The following ATP23 variants were observed in gnomAD, a reference collection of about 807,000 sequenced individuals.
ATP23 encodes the protein ATP23 metallopeptidase and ATP synthase assembly factor homolog, also known as mitochondrial inner membrane protease ATP23 homolog.
ATP23 carries 24 observed loss-of-function variants against 28.5 expected under a neutral mutation model. The ratio of observed to expected loss-of-function variants is 0.84; its 90% confidence interval spans 0.61 to 1.18. The LOEUF is 1.18. Among genes scored for constraint, ATP23 ranks in the 50% most tolerant of loss-of-function variants. The probability of loss-of-function intolerance (pLI) is 0.00; values close to 1 mark genes in which losing one functional copy is unlikely to be tolerated. For missense variants in ATP23, 274 were observed against 306.4 expected, an observed-to-expected ratio of 0.89 and a Z score of 0.79; for synonymous variants, 99 against 108.6, an observed-to-expected ratio of 0.91 and a Z score of 0.55.
Position 57,942,672 on chromosome 12 carries a change from C to T in ATP23, c.187+784C>T, listed in dbSNP as rs149946805. ...TCTCCTGACCTCGTGATCTGCCTGC[C>T]TCGGCCTCCCAAAGTGCTGGGATTA... On this transcript the variant is annotated intron_variant, in intron 1 of 5. Transcript: ENST00000300145. Among the ~76,000 whole-genome samples the T allele has an allele frequency of 5.3e-3, 806 of 152,222 alleles. 8 individuals carry two copies. Among genetic ancestry groups the T allele is most frequent in the African/African-American group, 0.019 (776 of 41,534 alleles).
chr12:57,941,739 C>G lies in ATP23; in HGVS notation c.38C>G (p.Ala13Gly). The G allele has an allele frequency of 3.1e-6, 5 of 1,596,408 alleles. No individual in the cohort carries two copies. Among genetic ancestry groups the G allele is most frequent in the Non-Finnish European group, 4.3e-6 (5 of 1,172,604 alleles). Reference sequence around the variant, plus strand: ...CCGGACGAGCGCCGGCGGGGCCCCGCGGCAGGGGAGCAGCTGCAGCAGCAA... The same window carrying G: ...CCGGACGAGCGCCGGCGGGGCCCCGGGGCAGGGGAGCAGCTGCAGCAGCAA... The part of the protein sequence containing the change: ...GAPDERRRGP[A>G]AGEQLQQQHV... Residue 13 changes from alanine (A) to glycine (G), a missense_variant, in exon 1 of 6, where the codon GCG becomes GGG. Physicochemically the swap from Ala to Gly is moderately conservative, Grantham distance 60. Coordinates refer to ENST00000300145, the MANE Select transcript of ATP23 (RefSeq NM_033276.4).
At chr12:57,945,497 G>A in intron 1 of ATP23, 131 bp from the exon 2 acceptor site, 2 of 728,100 alleles carry the variant, frequency 2.7e-6, no homozygotes, top group Non-Finnish European at 4.7e-6. Context: ...CTCCTAAAGT[G>A]CTGGGATTAC....
Position 57,956,878 on chromosome 12 carries a change from T to C in ATP23, c.729T>C (p.Tyr243=). ...ACTTTGAAAACCGTGATCGGTATTA[T>C]TCAAATATATGAGCACAATGACATT... The part of the protein sequence containing the change: ...HRDFENRDRY[Y]SNI Residue 243 remains tyrosine (Y), a synonymous_variant, in exon 6 of 6, where the codon TAT becomes TAC. Transcript: ENST00000300145. The C allele has an allele frequency of 6.2e-7, 1 of 1,607,786 alleles. No homozygotes were observed. Among genetic ancestry groups the C allele is most frequent in the Non-Finnish European group, 8.5e-7 (1 of 1,178,182 alleles).
In ATP23 at chr12:57,941,789, G is replaced by A; in HGVS notation, c.88G>A (p.Glu30Lys). 1.2e-6 allele frequency: 2 copies of A among 1,608,504 alleles called. No homozygotes were observed. The highest frequency in any genetic ancestry group is 1.7e-6 in the Non-Finnish European group (2 of 1,177,794). Residue 30 changes from glutamate (E) to lysine (K), a missense_variant, in exon 1 of 6, where the codon GAG (glutamate) becomes AAG (lysine). By Grantham distance (56) the Glu-to-Lys change is moderately conservative (BLOSUM62 1). Coordinates refer to ENST00000300145, the MANE Select transcript of ATP23 (RefSeq NM_033276.4). Reference protein sequence around the residue: ...QQHVSCQVFPERLAQGNPQQG... With the variant: ...QQHVSCQVFPKRLAQGNPQQG... ...ACACGTCTCTTGCCAGGTCTTCCCC[G>A]AGCGTCTGGCCCAGGGGAATCCCCA... is the stretch of plus-strand genomic sequence containing the variant.
chr12:57,953,530 T>G, intron 4 of ATP23, 76 bp from the exon 5 acceptor site: 1 of 1,218,338 alleles, frequency 8.2e-7, no homozygotes, highest in Non-Finnish European at 1.2e-6. Context: ...TTTCTAATTT[T>G]TAAAAATTGG....
rs1197888362 is a variant in ATP23 at position 57,958,990 on chromosome 12, A to G, written c.*2100A>G. Among the ~76,000 whole-genome samples the G allele has an allele frequency of 1.3e-5, 2 of 152,188 alleles. No individual in the cohort carries two copies. Among genetic ancestry groups the G allele is most frequent in the African/African-American group, 4.8e-5 (2 of 41,456 alleles). ...CCAGTGCAAGGAAATCCAAAAAATG[A>G]TATAAGAAGTGAAGGGAGAAATATT... is the stretch of plus-strand genomic sequence containing the variant. On this transcript the variant is annotated 3_prime_UTR_variant, in exon 6 of 6. Coordinates refer to ENST00000300145, the MANE Select transcript of ATP23 (RefSeq NM_033276.4).
intron 5 of ATP23, among the ~76,000 whole-genome samples, chr12:57,954,956 C>T (rs1247113041): frequency 6.6e-6 from 1 of 151,912 alleles, no homozygotes; most frequent in Non-Finnish European, 1.5e-5. Context: ...GCCAGGTCAG[C>T]TTAGTGATAT....
chr12:57,950,232 GGGTAAAGACAA>G (rs1956801266), intron 3 of ATP23, among the ~76,000 whole-genome samples: 1 of 152,116 alleles, frequency 6.6e-6, no homozygotes, highest in African/African-American at 2.4e-5. Flanking sequence ...ATTGCTCTTA[GGGTAAAGACAA>G]GGTCTTCAGG....
chr12:57,958,238 A>G lies in ATP23; in HGVS notation c.*1348A>G, dbSNP rs1396545493. ...CAACAGTCACAGCAAGACCTGCCCA[A>G]GGAGAGTCTGAGCTCAGACATGTCT... On this transcript the variant is annotated 3_prime_UTR_variant, in exon 6 of 6. Coordinates refer to ENST00000300145, the MANE Select transcript of ATP23 (RefSeq NM_033276.4). Among the ~76,000 whole-genome samples, 1 of 152,140 alleles carries G rather than the reference A, an allele frequency of 6.6e-6. No individual in the cohort carries two copies. Among genetic ancestry groups the G allele is most frequent in the Non-Finnish European group, 1.5e-5 (1 of 68,018 alleles).
Position 57,956,715 on chromosome 12 carries a change from C to T in ATP23, c.566C>T (p.Ser189Phe), listed in dbSNP as rs1348393038. 4.3e-6 allele frequency: 7 copies of T among 1,613,658 alleles called. No individual in the cohort carries two copies. The highest frequency in any genetic ancestry group is 1.7e-5 in the Admixed American group (1 of 59,962). ...QTCVRDRATL[S>F]ILAVRNISKE... ...TGTGTGCGAGACAGAGCCACTCTTT[C>T]TATCCTGGCTGTTAGGAATATCAGC... Residue 189 changes from serine (S) to phenylalanine (F), a missense_variant, in exon 6 of 6, where the codon TCT becomes TTT. Physicochemically the swap from Ser to Phe is radical, Grantham distance 155. Transcript: ENST00000300145.
chr12:57,956,612 C>T, intron 5 of ATP23, 75 bp from the exon 6 acceptor site: 2 of 1,078,976 alleles, frequency 1.9e-6, no homozygotes, highest in Non-Finnish European at 2.6e-6. Context: ...TTAATTCAGA[C>T]ATTAGATAAA....
Position 57,956,985 on chromosome 12 carries a change from C to T in ATP23, c.*95C>T. On this transcript the variant is annotated 3_prime_UTR_variant, in exon 6 of 6. Transcript: ENST00000300145. ...ACAAACATATAAAATGTAAACAATC[C>T]CTACAATCCAGATAAAACAGAGAAG... is the stretch of plus-strand genomic sequence containing the variant. The T allele has an allele frequency of 9.9e-7, 1 of 1,006,656 alleles. No individual in the cohort carries two copies. 62.4% of individuals were successfully genotyped at this position (1,006,656 alleles called of 1,614,324 possible).
At position 57,958,541 on chromosome 12, in the gene ATP23, A is replaced by AGACG. The variant is rs923318037; in HGVS notation, c.*1653_*1656dup. Among the ~76,000 whole-genome samples, 16 of 152,206 alleles carry AGACG rather than the reference A, an allele frequency of 1.1e-4. No individual in the cohort carries two copies. The highest frequency in any genetic ancestry group is 3.9e-4 in the African/African-American group (16 of 41,440). On this transcript the variant is annotated 3_prime_UTR_variant, in exon 6 of 6. Transcript: ENST00000300145. ...TGGTATCCACAGCCGAGAGACCCATAGACGGTTCACATCACAGGATTCTGT... is the reference window on the plus strand; with the variant it reads ...TGGTATCCACAGCCGAGAGACCCATAGACGGACGGTTCACATCACAGGATTCTGT...
At chr12:57,946,679 C>A (rs1956764664) in intron 2 of ATP23, among the ~76,000 whole-genome samples, 1 of 151,890 alleles carries the variant, frequency 6.6e-6, no homozygotes, top group Non-Finnish European at 1.5e-5. Context: ...TGGTCTTGAA[C>A]TCCCGACCTC....
intron 5 of ATP23, among the ~76,000 whole-genome samples, chr12:57,954,067 C>T (rs975887743): frequency 2.6e-5 from 4 of 151,844 alleles, no homozygotes; most frequent in Non-Finnish European, 5.9e-5. Flanking sequence ...TAGTGGAGCA[C>T]ACCTGTAGTC....
At position 57,957,203 on chromosome 12, in the gene ATP23, C is replaced by T. The variant is rs1956877452; in HGVS notation, c.*313C>T. On this transcript the variant is annotated 3_prime_UTR_variant, in exon 6 of 6. Transcript: ENST00000300145. The stretch of plus-strand genomic sequence containing the variant: ...TTGATTATGAAACCTGTGAAGTGTG[C>T]TCTTCCATGATGTTGATAGGTGACC... The T allele has an allele frequency of 1.3e-5, 3 of 222,940 alleles. No homozygotes were observed. In the South Asian group the frequency reaches 3.0e-4, roughly 22 times the overall value. 13.8% of individuals were successfully genotyped at this position (222,940 alleles called of 1,614,324 possible). A position where few individuals can be genotyped will look rare whatever the true frequency, so the allele number is the denominator to read the frequency against.
Position 57,956,811 on chromosome 12 carries a change from G to A in ATP23, c.662G>A (p.Arg221Lys). 1 of 1,613,892 alleles carries A rather than the reference G, an allele frequency of 6.2e-7. No homozygotes were observed. The highest frequency in any genetic ancestry group is 8.5e-7 in the Non-Finnish European group (1 of 1,179,922). Residue 221 changes from arginine (R) to lysine (K), a missense_variant, in exon 6 of 6, where the codon AGG becomes AAG. Transcript: ENST00000300145. The part of the protein sequence containing the change: ...SCFNDHEPFG[R>K]IPHNKTYARY... ...TTCAATGACCATGAACCTTTTGGAA[G>A]GATCCCACATAACAAGACTTATGCA... is the stretch of plus-strand genomic sequence containing the variant.
At position 57,959,109 on chromosome 12, in the gene ATP23, C is replaced by T. The variant is rs954155654; in HGVS notation, c.*2219C>T. ...TGCAAAATGCTCTGGAAAATCTCAG[C>T]AATAGAATTGAACAAGTAGAAGAAA... is the stretch of plus-strand genomic sequence containing the variant. On this transcript the variant is annotated 3_prime_UTR_variant, in exon 6 of 6. Coordinates refer to ENST00000300145, the MANE Select transcript of ATP23 (RefSeq NM_033276.4). Among the ~76,000 whole-genome samples, 11 of 152,128 alleles carry T rather than the reference C, an allele frequency of 7.2e-5. No individual in the cohort carries two copies. Among genetic ancestry groups the T allele is most frequent in the African/African-American group, 2.7e-4 (11 of 41,506 alleles).
intron 4 of ATP23, among the ~76,000 whole-genome samples, chr12:57,952,124 T>G (rs772169023): frequency 2.6e-5 from 4 of 152,200 alleles, no homozygotes; most frequent in Non-Finnish European, 4.4e-5. Flanking sequence ...TAGTGATGAC[T>G]GACTTTAATA....
Sources: gnomAD v4.1 joint callset for allele counts (sites outside exome capture counted in the v4.1 genomes callset) on GRCh38, gnomAD v4.1.1 for gene constraint, MANE v1.5 for transcripts, NCBI Gene and HGNC (gene_info 2026-07-23, HGNC 2026-07-21) for gene names.